The following CBLN2 variants were observed in gnomAD, a reference collection of about 807,000 sequenced individuals.
CBLN2 encodes the protein cerebellin-2.
Under a neutral mutation model 15.0 loss-of-function variants are expected in CBLN2, and 7 were observed. That is an observed-to-expected ratio of 0.47 (90% confidence interval 0.27 to 0.88). The LOEUF (loss-of-function observed/expected upper bound fraction) is 0.88. Ranked by LOEUF, CBLN2 falls within the 40% of genes least tolerant of loss-of-function variation. CBLN2 has a pLI of 0.14. For missense variants in CBLN2, 242 were observed against 304.5 expected (o/e 0.79, Z 1.53); for synonymous variants, 149 against 135.2 (o/e 1.10, Z -0.71).
At chr18:72,578,679 G>A (rs868765304) in intron 1 of CBLN2, among the ~76,000 whole-genome samples, 4 of 151,930 alleles carry the variant, frequency 2.6e-5, no homozygotes, top group African/African-American at 9.7e-5. Context: ...CTTATTACCA[G>A]GCTATTTACT....
intron 1 of CBLN2, among the ~76,000 whole-genome samples, chr18:72,598,179 G>A (rs746822997): frequency 3.9e-5 from 6 of 152,130 alleles, no homozygotes; most frequent in Non-Finnish European, 7.3e-5. Flanking sequence ...ATGGCTCTGA[G>A]TTTCATCCAA....
At chr18:72,556,858 GA>G (rs950911768) in intron 1 of CBLN2, among the ~76,000 whole-genome samples, 43 of 150,120 alleles carry the variant, frequency 2.9e-4, no homozygotes, top group African/African-American at 9.0e-4. Context: ...CAGGGGTCAG[GA>G]AAAAAAAACT....
At chr18:72,599,154 A>G (rs980612404) in intron 1 of CBLN2, among the ~76,000 whole-genome samples, 1 of 152,060 alleles carries the variant, frequency 6.6e-6, no homozygotes, top group African/African-American at 2.4e-5. Flanking sequence ...CTCACTTTTA[A>G]TTTTTTTAAA....
chr18:72,580,240 T>A (rs1417217619), intron 1 of CBLN2, among the ~76,000 whole-genome samples: 4 of 152,112 alleles, frequency 2.6e-5, no homozygotes, highest in African/African-American at 7.2e-5. Flanking sequence ...ATATTATACT[T>A]TATAAAAATG....
intron 1 of CBLN2, among the ~76,000 whole-genome samples, chr18:72,569,835 A>G (rs2069319622): frequency 6.6e-6 from 1 of 152,186 alleles, no homozygotes; most frequent in Non-Finnish European, 1.5e-5. Flanking sequence ...CACCTCCAAC[A>G]CATCCAACAC....
In CBLN2 at chr18:72,541,934, C is replaced by T. The variant is rs1173199969; in HGVS notation, c.227G>A (p.Gly76Asp). Reference protein sequence around the residue: ...VVCDSSPSADGAVTSSLGISV... With the variant: ...VVCDSSPSADDAVTSSLGISV... ...GATGCCTAGGGAGGAGGTGACGGCG[C>T]CGTCCGCCGACGGGCTGGAGTCGCA... Residue 76 changes from glycine (G) to aspartate (D), a missense_variant, in exon 3 of 5, where the codon GGC (glycine) becomes GAC (aspartate). Gly to Asp is a moderately conservative substitution (Grantham distance 94). Coordinates refer to ENST00000269503, the MANE Select transcript of CBLN2 (RefSeq NM_182511.4). 6.2e-7 allele frequency: 1 copy of T among 1,607,988 alleles called. No homozygotes were observed. The highest frequency in any genetic ancestry group is 2.2e-5 in the East Asian group (1 of 44,790).
chr18:72,618,279 G>A, intron 1 of CBLN2: 2 of 367,924 alleles, frequency 5.4e-6, no homozygotes, highest in Admixed American at 3.8e-5. Flanking sequence ...GTCTAAGTCA[G>A]AGTCTCCTAA....
chr18:72,553,613 G>T (rs1036049626), intron 1 of CBLN2, among the ~76,000 whole-genome samples: 2 of 152,136 alleles, frequency 1.3e-5, no homozygotes, highest in African/African-American at 4.8e-5. Context: ...TAATTTTAGT[G>T]ATTGGAAAGC....
intron 1 of CBLN2, among the ~76,000 whole-genome samples, chr18:72,594,392 T>C (rs2069499732): frequency 6.6e-6 from 1 of 152,164 alleles, no homozygotes; most frequent in African/African-American, 2.4e-5. Context: ...TGCTAGTATT[T>C]TGTTAAGTAG....
At chr18:72,584,971 C>A (rs1329286926) in intron 1 of CBLN2, among the ~76,000 whole-genome samples, 4 of 152,166 alleles carry the variant, frequency 2.6e-5, no homozygotes, top group Non-Finnish European at 5.9e-5. Context: ...CAAGTGAGCA[C>A]AGGGTCTGGT....
intron 1 of CBLN2, among the ~76,000 whole-genome samples, chr18:72,564,688 G>A (rs561160822): frequency 6.6e-6 from 1 of 152,268 alleles, no homozygotes; most frequent in South Asian, 2.1e-4. Flanking sequence ...TGCATTGTGA[G>A]AATTTCAGAG....
At chr18:72,569,790 T>C (rs1030834166) in intron 1 of CBLN2, among the ~76,000 whole-genome samples, 7 of 152,162 alleles carry the variant, frequency 4.6e-5, no homozygotes, top group South Asian at 2.1e-4. Flanking sequence ...TCATGAGGGA[T>C]TCTCCCCTAC....
intron 1 of CBLN2, among the ~76,000 whole-genome samples, chr18:72,619,993 G>A (rs1425402802): frequency 6.6e-6 from 1 of 152,190 alleles, no homozygotes; most frequent in Non-Finnish European, 1.5e-5. Flanking sequence ...CCCCTTGTTG[G>A]GGGAACACAT....
At chr18:72,613,745 CATTT>C (rs2069639083) in intron 1 of CBLN2, among the ~76,000 whole-genome samples, 1 of 152,118 alleles carries the variant, frequency 6.6e-6, no homozygotes, top group Non-Finnish European at 1.5e-5. Context: ...CCCAGGGACT[CATTT>C]ATTTACACGT....
chr18:72,589,087 C>T (rs2069461322), intron 1 of CBLN2, among the ~76,000 whole-genome samples: 2 of 152,046 alleles, frequency 1.3e-5, no homozygotes, highest in Non-Finnish European at 2.9e-5. Flanking sequence ...ATTCACTCAT[C>T]GGTGGGAGGC....
At chr18:72,604,735 A>G (rs2069572304) in intron 1 of CBLN2, among the ~76,000 whole-genome samples, 1 of 152,240 alleles carries the variant, frequency 6.6e-6, no homozygotes, top group African/African-American at 2.4e-5. Context: ...CTGAGCTAGC[A>G]TTCTCAGCCT....
chr18:72,538,236 G>T lies in CBLN2; in HGVS notation c.615C>A (p.Gly205=), dbSNP rs1455513298. 8 of 1,613,954 alleles carry T rather than the reference G, an allele frequency of 5.0e-6. No individual in the cohort carries two copies. The highest frequency in any genetic ancestry group is 5.9e-6 in the Non-Finnish European group (7 of 1,180,022). The change falls in exon 5 of 5, where the codon GGC becomes GGA. Residue 205 remains glycine (G), a synonymous_variant. Transcript: ENST00000269503. The part of the protein sequence containing the change: ...EDKVHLKLER[G]NLMGGWKYST... ...AGTATTTCCAGCCCCCCATGAGGTT[G>T]CCTCTCTCAAGTTTGAGATGCACTT... is the stretch of plus-strand genomic sequence containing the variant.
chr18:72,619,225 T>C, intron 1 of CBLN2: 1 of 920,292 alleles, frequency 1.1e-6, no homozygotes, highest in Non-Finnish European at 1.7e-6. Context: ...AGATTTTAAT[T>C]ACAGTCAGGA....
At chr18:72,583,594 C>A (rs1402841770) in intron 1 of CBLN2, among the ~76,000 whole-genome samples, 2 of 152,016 alleles carry the variant, frequency 1.3e-5, no homozygotes, top group Non-Finnish European at 2.9e-5. Context: ...AAATTTATAA[C>A]CTTATTTTGA....
Sources: allele counts gnomAD v4.1 joint callset (sites outside exome capture counted in the v4.1 genomes callset), GRCh38; gene constraint gnomAD v4.1.1; transcripts MANE v1.5; gene names NCBI Gene and HGNC (gene_info 2026-07-23, HGNC 2026-07-21).